Variants in GK5 observed in about 807,000 individuals in gnomAD.
The protein encoded by GK5 is ATP:glycerol 3-phosphotransferase 5.
Under a neutral mutation model 77.3 loss-of-function variants are expected in GK5, and 39 were observed. That is an observed-to-expected ratio of 0.50 (90% CI 0.39 to 0.66). The LOEUF (loss-of-function observed/expected upper bound fraction) is 0.66, where lower values mean the gene tolerates loss of function less well. Ranked by LOEUF, GK5 falls within the 30% of genes least tolerant of loss-of-function variation. The probability of loss-of-function intolerance (pLI) is 0.00; values close to 1 mark genes in which losing one functional copy is unlikely to be tolerated. For missense variants in GK5, 487 were observed against 633.8 expected (o/e 0.77, Z 2.49); for synonymous variants, 211 against 208.0 (o/e 1.01, Z -0.13).
rs1407448771 is a variant in GK5 at position 142,159,847 on chromosome 3, C to CTTTTTTTTTTTTTTTTTTTTTTTT, written c.*5774_*5775insAAAAAAAAAAAAAAAAAAAAAAAA. 21 of 103,212 alleles carry CTTTTTTTTTTTTTTTTTTTTTTTT rather than the reference C, an allele frequency of 2.0e-4. 1 individual carries two copies. Among genetic ancestry groups the CTTTTTTTTTTTTTTTTTTTTTTTT allele is most frequent in the African/African-American group, 8.3e-4 (21 of 25,198 alleles). 6.4% of individuals were successfully genotyped at this position (103,212 alleles called of 1,614,324 possible). A position where few individuals can be genotyped will look rare whatever the true frequency, so the allele number is the denominator to read the frequency against. ...TGGGGCTTTCTCTCTCTCTCTCTCT[C>CTTTTTTTTTTTTTTTTTTTTTTTT]TCTCTCTTTTTTTTTTTTGAGACAG... is the stretch of plus-strand genomic sequence containing the variant. On this transcript the variant is annotated 3_prime_UTR_variant, in exon 16 of 16. Transcript: ENST00000392993.
intron 12 of GK5, among the ~76,000 whole-genome samples, chr3:142,173,456 G>A (rs1005175678): frequency 6.6e-6 from 1 of 152,096 alleles, no homozygotes; most frequent in African/African-American, 2.4e-5. Context: ...GGCCGACAAA[G>A]GTGGACCACT....
At chr3:142,193,768 T>C (rs1374601305) in intron 5 of GK5, among the ~76,000 whole-genome samples, 1 of 152,192 alleles carries the variant, frequency 6.6e-6, no homozygotes, top group Non-Finnish European at 1.5e-5. Context: ...GTAGACAGCA[T>C]CTCGCTCTGT....
At chr3:142,219,536 A>G (rs1201311156) in intron 1 of GK5, among the ~76,000 whole-genome samples, 1 of 152,240 alleles carries the variant, frequency 6.6e-6, no homozygotes, top group African/African-American at 2.4e-5. Flanking sequence ...TGTGTTACGG[A>G]AAACAGATCA....
chr3:142,204,482 AC>A, intron 4 of GK5: 3 of 603,860 alleles, frequency 5.0e-6, no homozygotes, highest in South Asian at 1.7e-5. Flanking sequence ...ACTCTGGTCC[AC>A]CACAAACCTC....
At position 142,213,513 on chromosome 3, in the gene GK5, A is replaced by G; in HGVS notation, c.317+13T>C. Reference sequence around the variant, plus strand: ...AACCCAGCAGTAGGGTGCTTATCACAGAATGTACTTACTTGTTCCACGTAA... The same window carrying G: ...AACCCAGCAGTAGGGTGCTTATCACGGAATGTACTTACTTGTTCCACGTAA... On this transcript the variant is annotated intron_variant, in intron 3 of 15. Transcript: ENST00000392993. 8 of 1,537,254 alleles carry G rather than the reference A, an allele frequency of 5.2e-6. No homozygotes were observed. Among genetic ancestry groups the G allele is most frequent in the Non-Finnish European group, 7.2e-6 (8 of 1,109,982 alleles).
intron 15 of GK5, 130 bp from the exon 16 acceptor site, chr3:142,165,900 T>C (rs1346618264): frequency 1.7e-6 from 1 of 577,682 alleles, no homozygotes; most frequent in South Asian, 2.7e-5. Flanking sequence ...CAAAATACTT[T>C]GTTACTTTTG....
rs116484156 is a variant in GK5, at chr3:142,221,552, A to C, written c.147+3757T>G. 8.9e-4 allele frequency among the ~76,000 whole-genome samples: 136 copies of C among 152,370 alleles called. 2 individuals carry two copies. The highest frequency in any genetic ancestry group is 3.1e-3 in the African/African-American group (128 of 41,584). Reference sequence around the variant, plus strand: ...TTTTTTATTAAAAACAAAAGACAACAACCACCTAGTCTGTTTTTCAAGCAT... The same window carrying C: ...TTTTTTATTAAAAACAAAAGACAACCACCACCTAGTCTGTTTTTCAAGCAT... On this transcript the variant is annotated intron_variant, in intron 1 of 15. Transcript: ENST00000392993.
intron 12 of GK5, among the ~76,000 whole-genome samples, chr3:142,177,200 A>G (rs1033386790): frequency 2.0e-5 from 3 of 152,132 alleles, no homozygotes; most frequent in African/African-American, 4.8e-5. Flanking sequence ...TAAAAGTTCT[A>G]TGATAAACCT....
intron 5 of GK5, among the ~76,000 whole-genome samples, chr3:142,197,411 T>TTA (rs1027044664): frequency 2.6e-5 from 4 of 152,202 alleles, no homozygotes; most frequent in African/African-American, 9.7e-5. Flanking sequence ...AAGTCTATAC[T>TTA]ACCTGATGTT....
Position 142,165,428 on chromosome 3 carries a change from T to A in GK5, c.*194A>T, listed in dbSNP as rs1397808675. 2.7e-5 allele frequency: 12 copies of A among 440,596 alleles called. No individual in the cohort carries two copies. The highest frequency in any genetic ancestry group is 4.7e-5 in the Non-Finnish European group (12 of 252,942). 27.3% of individuals were successfully genotyped at this position (440,596 alleles called of 1,614,324 possible). On this transcript the variant is annotated 3_prime_UTR_variant, in exon 16 of 16. Coordinates refer to ENST00000392993, the MANE Select transcript of GK5 (RefSeq NM_001039547.3). ...TATAAAGTTTTGAGGTATTGCTGCC[T>A]TACCATGGTTTAGGGGAAAAAAATA...
Position 142,159,849 on chromosome 3 carries a change from C to CTTTTTTTTTTTTTTTTTTTTTTT in GK5, c.*5772_*5773insAAAAAAAAAAAAAAAAAAAAAAA, listed in dbSNP as rs1399191009. The CTTTTTTTTTTTTTTTTTTTTTTT allele has an allele frequency of 3.8e-5, 4 of 104,774 alleles. No individual in the cohort carries two copies. The highest frequency in any genetic ancestry group is 1.6e-4 in the African/African-American group (4 of 24,560). 6.5% of individuals were successfully genotyped at this position (104,774 alleles called of 1,614,324 possible). ...GGGCTTTCTCTCTCTCTCTCTCTCTCTCTCTTTTTTTTTTTTGAGACAGAG... is the reference window on the plus strand; with the variant it reads ...GGGCTTTCTCTCTCTCTCTCTCTCTCTTTTTTTTTTTTTTTTTTTTTTTTCTCTTTTTTTTTTTTGAGACAGAG... On this transcript the variant is annotated 3_prime_UTR_variant, in exon 16 of 16. Coordinates refer to ENST00000392993, the MANE Select transcript of GK5 (RefSeq NM_001039547.3).
chr3:142,185,761 GC>G, intron 9 of GK5, 167 bp downstream of exon 9: 1 of 1,555,454 alleles, frequency 6.4e-7, no homozygotes. Context: ...CAAAAATATA[GC>G]AGATATTCTG....
chr3:142,187,657 T>C, intron 6 of GK5, 47 bp downstream of exon 6: 1 of 1,361,990 alleles, frequency 7.3e-7, no homozygotes, highest in Non-Finnish European at 1.0e-6. Flanking sequence ...TCATTTCTCT[T>C]GATCAAATTT....
chr3:142,207,837 C>T (rs531090963), intron 3 of GK5, among the ~76,000 whole-genome samples: 19 of 152,214 alleles, frequency 1.2e-4, no homozygotes, highest in African/African-American at 1.7e-4. Flanking sequence ...GGCCAGATCA[C>T]GCAATATTCA....
chr3:142,207,972 T>C (rs2107793530), intron 3 of GK5, among the ~76,000 whole-genome samples: 1 of 152,316 alleles, frequency 6.6e-6, no homozygotes, highest in South Asian at 2.1e-4. Context: ...TGAGTACAAA[T>C]CAGAGGAGTG....
At chr3:142,166,137 G>A (rs1207678251) in intron 15 of GK5, among the ~76,000 whole-genome samples, 1 of 152,050 alleles carries the variant, frequency 6.6e-6, no homozygotes. Context: ...CAATCCCAGT[G>A]CTTTGGGAGA....
intron 5 of GK5, among the ~76,000 whole-genome samples, chr3:142,195,153 A>G (rs554639379): frequency 3.3e-5 from 5 of 152,044 alleles, no homozygotes; most frequent in East Asian, 1.9e-4. Context: ...TATTCTATTA[A>G]TATGGTGTAT....
chr3:142,185,518 T>G (rs2063756670), intron 9 of GK5: 2 of 997,364 alleles, frequency 2.0e-6, no homozygotes, highest in Middle Eastern at 5.1e-4. Flanking sequence ...TACAACTTTC[T>G]CTGCTAGTTT....
intron 12 of GK5, among the ~76,000 whole-genome samples, chr3:142,173,814 T>C (rs1482248054): frequency 6.6e-6 from 1 of 152,182 alleles, no homozygotes; most frequent in Admixed American, 6.5e-5. Flanking sequence ...ATCAAAATGG[T>C]CATTTCAAGG....
Sources: gnomAD v4.1 joint callset for allele counts (sites outside exome capture counted in the v4.1 genomes callset) on GRCh38, gnomAD v4.1.1 for gene constraint, MANE v1.5 for transcripts, NCBI Gene and HGNC (gene_info 2026-07-23, HGNC 2026-07-21) for gene names.